PRICKLE2: variants seen among roughly 807,000 people sequenced by gnomAD.
PRICKLE2 encodes the protein prickle planar cell polarity protein 2, also known as prickle-like protein 2.
Under a neutral mutation model 81.4 loss-of-function variants are expected in PRICKLE2, and 21 were observed. The observed-to-expected ratio is 0.26, with a 90% CI of 0.18 to 0.37. The LOEUF (loss-of-function observed/expected upper bound fraction) is 0.37. Ranked by LOEUF, PRICKLE2 falls within the 10% of genes least tolerant of loss-of-function variation. The pLI, the probability that PRICKLE2 is intolerant of heterozygous loss-of-function variation, is 1.00. For missense variants in PRICKLE2, 940 were observed against 1,109.0 expected (o/e 0.85, Z 2.16); for synonymous variants, 456 against 421.5 (o/e 1.08, Z -1.00).
At chr3:64,219,222 A>G (rs1575680654) in intron 1 of PRICKLE2, among the ~76,000 whole-genome samples, 1 of 152,330 alleles carries the variant, frequency 6.6e-6, no homozygotes, top group South Asian at 2.1e-4. Context: ...ATTCATTCTG[A>G]AAGTTTGCAC....
At chr3:64,129,746 C>A (rs2077171276) in intron 7 of PRICKLE2, among the ~76,000 whole-genome samples, 1 of 151,744 alleles carries the variant, frequency 6.6e-6, no homozygotes. Flanking sequence ...ATCAGATTTA[C>A]GTATTAGTCA....
At chr3:64,119,676 T>C (rs1438238287) in intron 7 of PRICKLE2, among the ~76,000 whole-genome samples, 1 of 152,150 alleles carries the variant, frequency 6.6e-6, no homozygotes, top group East Asian at 1.9e-4. Context: ...TAAACCAAAC[T>C]ACCATTCAAC....
intron 1 of PRICKLE2, among the ~76,000 whole-genome samples, chr3:64,218,845 T>C (rs2078910222): frequency 6.6e-6 from 1 of 152,108 alleles, no homozygotes; most frequent in Admixed American, 6.5e-5. Context: ...GGGGAGCTTG[T>C]TAAAAATTCA....
intron 3 of PRICKLE2, among the ~76,000 whole-genome samples, chr3:64,161,317 G>A (rs913286822): frequency 1.1e-4 from 16 of 152,236 alleles, no homozygotes; most frequent in Admixed American, 3.9e-4. Flanking sequence ...TCCTAATCCC[G>A]TCTCCTGTTA....
At chr3:64,246,377 A>G (rs906178087) in intron 2 of PRICKLE2, among the ~76,000 whole-genome samples, 1 of 152,184 alleles carries the variant, frequency 6.6e-6, no homozygotes, top group Admixed American at 6.5e-5. Context: ...GTTGGAAAAA[A>G]CTTTAGTGAT....
chr3:64,233,443 T>C (rs919725693), intron 2 of PRICKLE2, among the ~76,000 whole-genome samples: 13 of 152,230 alleles, frequency 8.5e-5, no homozygotes, highest in African/African-American at 3.1e-4. Context: ...ACTGTCTCCC[T>C]TCCTGTCACA....
At chr3:64,202,280 A>G (rs1267709621) in intron 1 of PRICKLE2, among the ~76,000 whole-genome samples, 1 of 149,742 alleles carries the variant, frequency 6.7e-6, no homozygotes, top group Non-Finnish European at 1.5e-5. Context: ...CAATTTGTGC[A>G]AAAAAAAGCC....
At chr3:64,258,689 T>A (rs530671820) in intron 2 of PRICKLE2, among the ~76,000 whole-genome samples, 1 of 148,434 alleles carries the variant, frequency 6.7e-6, no homozygotes, top group African/African-American at 2.5e-5. Flanking sequence ...CCAGGTGTGG[T>A]GGCGGGTGCC....
intron 2 of PRICKLE2, among the ~76,000 whole-genome samples, chr3:64,170,643 T>C (rs1240338109): frequency 6.6e-6 from 1 of 150,794 alleles, no homozygotes; most frequent in Non-Finnish European, 1.5e-5. Flanking sequence ...GATGATTGCT[T>C]GAGCCCAGGA....
chr3:64,227,766 T>C (rs1244531956), upstream of PRICKLE2, among the ~76,000 whole-genome samples: 4 of 152,220 alleles, frequency 2.6e-5, no homozygotes, highest in Non-Finnish European at 5.9e-5. Context: ...ACACTGAGCC[T>C]GTTACATAGC....
intron 7 of PRICKLE2, among the ~76,000 whole-genome samples, chr3:64,132,265 C>T (rs1480552198): frequency 6.6e-6 from 1 of 152,114 alleles, no homozygotes; most frequent in Non-Finnish European, 1.5e-5. Context: ...GTTTGTAGGT[C>T]CCCTCCTACA....
intron 1 of PRICKLE2, among the ~76,000 whole-genome samples, chr3:64,222,609 C>A (rs769548365): frequency 5.3e-5 from 8 of 152,102 alleles, no homozygotes; most frequent in Non-Finnish European, 1.0e-4. Flanking sequence ...GGCAGGCAGG[C>A]AGGGGAGGGC....
At chr3:64,101,911 A>C (rs1367546608) in intron 7 of PRICKLE2, 1 of 152,248 alleles carries the variant, frequency 6.6e-6, no homozygotes, top group Admixed American at 6.5e-5. Flanking sequence ...GTAAAATCAG[A>C]CAACACCTTG....
At chr3:64,116,386 T>C (rs1223779849) in intron 7 of PRICKLE2, among the ~76,000 whole-genome samples, 1 of 151,462 alleles carries the variant, frequency 6.6e-6, no homozygotes, top group Non-Finnish European at 1.5e-5. Context: ...AAAAAAGCCA[T>C]TCAAAAGATC....
chr3:64,100,111 C>G, intron 7 of PRICKLE2, 186 bp from the exon 8 acceptor site: 2 of 618,972 alleles, frequency 3.2e-6, no homozygotes, highest in Non-Finnish European at 5.7e-6. Context: ...AGGTCACTAT[C>G]TACCTAGAGG....
intron 2 of PRICKLE2, among the ~76,000 whole-genome samples, chr3:64,192,988 T>C (rs185295): frequency 6.6e-6 from 1 of 151,958 alleles, no homozygotes; most frequent in African/African-American, 2.4e-5. Flanking sequence ...TAAAATCCAC[T>C]TGCATCCAAT....
Position 64,146,943 on chromosome 3 carries a change from T to G in PRICKLE2, c.1547A>C (p.Gln516Pro), listed in dbSNP as rs2077465259. 1.2e-6 allele frequency: 2 copies of G among 1,614,180 alleles called. No individual in the cohort carries two copies. The highest frequency in any genetic ancestry group is 1.7e-6 in the Non-Finnish European group (2 of 1,180,020). The change falls in exon 7 of 8, where the codon CAG becomes CCG. Residue 516 changes from glutamine to proline, a missense_variant. Around this residue, in one of 2 missense-constraint regions of PRICKLE2, gnomAD observed 670 missense variants for 717.2 expected, o/e 0.93. Transcript: ENST00000638394. The stretch of plus-strand genomic sequence containing the variant: ...GATGGGATGACGGGTCCGACACTGC[T>G]GAGTGGACAAGCCCCCTTCCTCTTC... ...EEEEEGGLST[Q>P]QCRTRHPISS...
intron 7 of PRICKLE2, among the ~76,000 whole-genome samples, chr3:64,108,350 A>G (rs1352344248): frequency 6.6e-6 from 1 of 152,214 alleles, no homozygotes; most frequent in Non-Finnish European, 1.5e-5. Flanking sequence ...TAGCTTGATC[A>G]GGTCCCTTGG....
intron 2 of PRICKLE2, chr3:64,198,572 A>G (rs1378950455): frequency 1.1e-5 from 7 of 636,976 alleles, no homozygotes; most frequent in Non-Finnish European, 2.0e-5. Flanking sequence ...AATAATGACA[A>G]TACAGAATGA....
Sources: gnomAD v4.1 joint callset for allele counts (sites outside exome capture counted in the v4.1 genomes callset) on GRCh38, gnomAD v4.1.1 for gene constraint, gnomAD v4.1.1 regional missense constraint, MANE v1.5 for transcripts, NCBI Gene and HGNC (gene_info 2026-07-23, HGNC 2026-07-21) for gene names.